CWC27: variants seen among roughly 807,000 people sequenced by gnomAD.
CWC27 encodes the protein CWC27 spliceosome associated cyclophilin.
A neutral mutation model predicts 63.6 loss-of-function variants in CWC27; 47 were observed. The observed-to-expected ratio is 0.74, with a 90% CI of 0.58 to 0.94. The LOEUF (loss-of-function observed/expected upper bound fraction) is 0.94. Ranked by LOEUF, CWC27 falls within the 40% of genes least tolerant of loss-of-function variation. The pLI, the probability that CWC27 is intolerant of heterozygous loss-of-function variation, is 0.00. For synonymous variants in CWC27, 175 were observed against 179.8 expected, an observed-to-expected ratio of 0.97 and a Z score of 0.22; for missense variants, 495 against 554.3, an observed-to-expected ratio of 0.89 and a Z score of 1.07.
At chr5:64,910,655 A>G (rs1747765911) in intron 11 of CWC27, among the ~76,000 whole-genome samples, 2 of 152,172 alleles carry the variant, frequency 1.3e-5, no homozygotes, top group Admixed American at 1.3e-4. Context: ...AGCCTTAGCA[A>G]TGGTGGACAC....
chr5:64,872,964 A>C (rs1746710160), intron 10 of CWC27, among the ~76,000 whole-genome samples: 1 of 152,156 alleles, frequency 6.6e-6, no homozygotes, highest in African/African-American at 2.4e-5. Flanking sequence ...CAACATACTG[A>C]GTCACAGTGT....
chr5:64,871,112 T>C (rs1179443820), intron 10 of CWC27, among the ~76,000 whole-genome samples: 1 of 152,142 alleles, frequency 6.6e-6, no homozygotes, highest in African/African-American at 2.4e-5. Flanking sequence ...AATTGCAGCT[T>C]TAGGCAATCT....
chr5:64,965,127 C>T (rs1368148592), intron 11 of CWC27, among the ~76,000 whole-genome samples: 1 of 152,100 alleles, frequency 6.6e-6, no homozygotes, highest in Non-Finnish European at 1.5e-5. Flanking sequence ...TTCTCAACAA[C>T]TTTAGAAGCT....
At chr5:65,010,919 A>G (rs569167421) in intron 13 of CWC27, among the ~76,000 whole-genome samples, 2 of 152,352 alleles carry the variant, frequency 1.3e-5, no homozygotes, top group South Asian at 2.1e-4. Context: ...AGCAAGGTGA[A>G]CAAAACCAGA....
chr5:64,926,469 C>G (rs1748109752), intron 11 of CWC27, among the ~76,000 whole-genome samples: 2 of 151,652 alleles, frequency 1.3e-5, no homozygotes, highest in African/African-American at 4.8e-5. Context: ...ATTTGACTTT[C>G]TGTTAATTAA....
intron 11 of CWC27, among the ~76,000 whole-genome samples, chr5:64,924,962 CACA>C (rs1269674242): frequency 2.0e-5 from 3 of 150,724 alleles, no homozygotes; most frequent in Non-Finnish European, 4.4e-5. Flanking sequence ...CTTAGACACA[CACA>C]CACACACACA....
At chr5:64,999,283 G>T (rs1233962746) in intron 13 of CWC27, among the ~76,000 whole-genome samples, 1 of 151,994 alleles carries the variant, frequency 6.6e-6, no homozygotes, top group Non-Finnish European at 1.5e-5. Flanking sequence ...TGGTGTACAT[G>T]TGATATTTTG....
chr5:64,954,793 T>C (rs1270224147), intron 11 of CWC27, among the ~76,000 whole-genome samples: 1 of 151,068 alleles, frequency 6.6e-6, no homozygotes, highest in Non-Finnish European at 1.5e-5. Flanking sequence ...TATATATATA[T>C]GTATGTATGT....
At chr5:64,899,656 A>G (rs1747457454) in intron 11 of CWC27, among the ~76,000 whole-genome samples, 1 of 152,236 alleles carries the variant, frequency 6.6e-6, no homozygotes, top group African/African-American at 2.4e-5. Context: ...TCCACAAACA[A>G]AACTTTTGAA....
At chr5:64,893,470 T>G (rs981329832) in intron 11 of CWC27, among the ~76,000 whole-genome samples, 7 of 152,218 alleles carry the variant, frequency 4.6e-5, no homozygotes, top group Admixed American at 2.0e-4. Flanking sequence ...TAAAAAATGA[T>G]TAATGCAATA....
At chr5:64,919,877 G>A (rs1747963511) in intron 11 of CWC27, among the ~76,000 whole-genome samples, 1 of 152,128 alleles carries the variant, frequency 6.6e-6, no homozygotes, top group South Asian at 2.1e-4. Context: ...TCCTGAATGT[G>A]CATTTGTCTT....
chr5:64,771,212 A>G (rs1024310793), intron 1 of CWC27, among the ~76,000 whole-genome samples: 3 of 152,224 alleles, frequency 2.0e-5, no homozygotes, highest in Admixed American at 6.5e-5. Flanking sequence ...TAAGGTTAAG[A>G]GTGTGGACAA....
intron 10 of CWC27, among the ~76,000 whole-genome samples, chr5:64,815,369 G>A (rs1744997020): frequency 1.3e-5 from 2 of 152,192 alleles, no homozygotes. Flanking sequence ...CTCATGGCAG[G>A]AGGAAAAGAG....
At chr5:64,934,940 T>C (rs1168423444) in intron 11 of CWC27, among the ~76,000 whole-genome samples, 1 of 152,248 alleles carries the variant, frequency 6.6e-6, no homozygotes, top group East Asian at 1.9e-4. Flanking sequence ...TCCCACTTTT[T>C]GATGAGGTCA....
At chr5:64,913,521 G>A (rs1416801810) in intron 11 of CWC27, among the ~76,000 whole-genome samples, 3 of 151,952 alleles carry the variant, frequency 2.0e-5, no homozygotes, top group Non-Finnish European at 4.4e-5. Flanking sequence ...TGATAGCTGA[G>A]TATAAATTCA....
At chr5:65,000,109 A>G (rs546517167) in intron 13 of CWC27, among the ~76,000 whole-genome samples, 2 of 152,190 alleles carry the variant, frequency 1.3e-5, no homozygotes, top group South Asian at 4.1e-4. Flanking sequence ...ATTTTTCTAC[A>G]TACCTGTTGG....
chr5:64,843,754 C>A (rs1235068719), intron 10 of CWC27, among the ~76,000 whole-genome samples: 2 of 152,062 alleles, frequency 1.3e-5, no homozygotes, highest in Non-Finnish European at 2.9e-5. Flanking sequence ...TAAACATTAA[C>A]AGAATTTTTT....
intron 11 of CWC27, among the ~76,000 whole-genome samples, chr5:64,909,573 A>G (rs1561152590): frequency 6.6e-6 from 1 of 152,212 alleles, no homozygotes; most frequent in Non-Finnish European, 1.5e-5. Flanking sequence ...AGGTACACCA[A>G]TCAAACGTAC....
intron 3 of CWC27, among the ~76,000 whole-genome samples, chr5:64,783,252 A>G (rs1743761956): frequency 6.6e-6 from 1 of 152,212 alleles, no homozygotes; most frequent in Non-Finnish European, 1.5e-5. Flanking sequence ...TAGCCCTGTC[A>G]TGGTGAGAAA....
Sources: allele counts gnomAD v4.1 joint callset (sites outside exome capture counted in the v4.1 genomes callset), GRCh38; gene constraint gnomAD v4.1.1; transcripts MANE v1.5; gene names NCBI Gene and HGNC (gene_info 2026-07-23, HGNC 2026-07-21).